TRIM67: variants seen among roughly 807,000 people sequenced by gnomAD.
TRIM67 encodes the protein tripartite motif-containing protein 67.
Under a neutral mutation model 71.0 loss-of-function variants are expected in TRIM67, and 39 were observed. The observed-to-expected ratio is 0.55, with a 90% CI of 0.43 to 0.72. TRIM67 has a LOEUF of 0.72. Among genes scored for constraint, TRIM67 ranks in the 30% least tolerant of loss-of-function variants. TRIM67 has a pLI of 0.00. For missense variants in TRIM67, 973 were observed against 1,079.2 expected (o/e 0.90, Z 1.38); for synonymous variants, 481 against 473.9 (o/e 1.01, Z -0.19).
In TRIM67 at chr1:231,219,492, A is replaced by G. The variant is rs1684090489; in HGVS notation, c.*4052A>G. The G allele has an allele frequency of 4.7e-6, 5 of 1,059,972 alleles. No homozygotes were observed. The South Asian group carries it at 8.9e-5, about 19-fold the overall frequency. The allele number at this position is 1,059,972 out of a possible 1,614,324, so 65.7% of individuals were successfully genotyped here. ...TTGATACCCAAGCCCAGGATTTTCC[A>G]TGTGTCTTCAGGGGGCAGGTAGGGG... On this transcript the variant is annotated 3_prime_UTR_variant, in exon 10 of 10. Coordinates refer to ENST00000366653, the MANE Select transcript of TRIM67 (RefSeq NM_001004342.5).
chr1:231,197,001 C>T (rs892876249), intron 1 of TRIM67, among the ~76,000 whole-genome samples: 2 of 152,200 alleles, frequency 1.3e-5, no homozygotes, highest in Admixed American at 6.5e-5. Context: ...TCTGGAATGT[C>T]CATACAGGCA....
rs1199853234 is a variant in TRIM67, at chr1:231,216,322, T to C, written c.*882T>C. ...CACACACACAGGCATGACAGTCTCC[T>C]AAAATTAATTCACTCAGTTCTTAGT... On this transcript the variant is annotated 3_prime_UTR_variant, in exon 10 of 10. Transcript: ENST00000366653. The C allele has an allele frequency of 4.1e-6, 4 of 985,264 alleles. No homozygotes were observed. The highest frequency in any genetic ancestry group is 1.2e-4 in the Admixed American group (2 of 16,264). 61.0% of individuals were successfully genotyped at this position (985,264 alleles called of 1,614,324 possible).
rs868344453 is a variant in TRIM67 at position 231,187,574 on chromosome 1, A to G, written c.1045-9797A>G. On this transcript the variant is annotated intron_variant, in intron 1 of 9. Coordinates refer to ENST00000366653, the MANE Select transcript of TRIM67 (RefSeq NM_001004342.5). ...GAAATCCCCTGTGGTCCATTTCACA[A>G]CCTCCTTTGTGCCCAATGATGGTGT... 32 of 1,532,270 alleles carry G rather than the reference A, an allele frequency of 2.1e-5. No individual in the cohort carries two copies. In the Middle Eastern group the frequency reaches 1.6e-3, roughly 77 times the overall value. The allele number at this position is 1,532,270 out of a possible 1,614,324, so 94.9% of individuals were successfully genotyped here.
At chr1:231,184,000 T>A (rs2102730043) in intron 1 of TRIM67, 1 of 152,216 alleles carries the variant, frequency 6.6e-6, no homozygotes, top group African/African-American at 2.4e-5. Flanking sequence ...AACACCCATC[T>A]CTCCAGGTCT....
rs969174276 is a variant in TRIM67, at chr1:231,209,528, A to T, written c.2123+278A>T. 6.6e-6 allele frequency among the ~76,000 whole-genome samples: 1 copy of T among 152,162 alleles called. No individual in the cohort carries two copies. The highest frequency in any genetic ancestry group is 2.4e-5 in the African/African-American group (1 of 41,448). On this transcript the variant is annotated intron_variant, in intron 8 of 9. Coordinates refer to ENST00000366653, the MANE Select transcript of TRIM67 (RefSeq NM_001004342.5). This position sits in a 1 kb window ranked among gnomAD's most constrained non-coding sequence, Gnocchi z 4.1. ...CCACACGGTGGTCCTCTGCTGGGATATGGAGCTCGTAGTTTTCTTTCTGGT... is the reference window on the plus strand; with the variant it reads ...CCACACGGTGGTCCTCTGCTGGGATTTGGAGCTCGTAGTTTTCTTTCTGGT...
intron 1 of TRIM67, among the ~76,000 whole-genome samples, chr1:231,177,214 G>A (rs1394324893): frequency 6.6e-6 from 1 of 152,236 alleles, no homozygotes; most frequent in African/African-American, 2.4e-5. Flanking sequence ...GCAGAGACTA[G>A]AGAGATGGGA....
chr1:231,195,996 T>A (rs1468679972), intron 1 of TRIM67, among the ~76,000 whole-genome samples: 2 of 152,226 alleles, frequency 1.3e-5, no homozygotes, highest in Non-Finnish European at 2.9e-5. Flanking sequence ...AATGCCACCA[T>A]GTGCCGGGTA....
At chr1:231,176,145 A>G (rs1340779662) in intron 1 of TRIM67, among the ~76,000 whole-genome samples, 1 of 152,182 alleles carries the variant, frequency 6.6e-6, no homozygotes, top group African/African-American at 2.4e-5. Flanking sequence ...CATATTATCC[A>G]GTCAAAACAA....
Position 231,219,557 on chromosome 1 carries a change from G to C in TRIM67, c.*4117G>C, listed in dbSNP as rs1214598007. The C allele has an allele frequency of 9.1e-7, 1 of 1,095,876 alleles. No homozygotes were observed. Among genetic ancestry groups the C allele is most frequent in the Non-Finnish European group, 1.1e-6 (1 of 895,598 alleles). The allele number at this position is 1,095,876 out of a possible 1,614,324, so 67.9% of individuals were successfully genotyped here. On this transcript the variant is annotated 3_prime_UTR_variant, in exon 10 of 10. Transcript: ENST00000366653. ...CACCTCCAACAGATGCCAACCTGTT[G>C]GGTCTTGAATTTTCACTCACTGAAG...
rs1251652672 is a variant in TRIM67, at chr1:231,162,102, G to A, written c.-868G>A. ...CGCGGGGAGGCAGCGGCAGCGGCGGGAGGGAGGCGGGGAGGGGATTCCCGA... is the reference window on the plus strand; with the variant it reads ...CGCGGGGAGGCAGCGGCAGCGGCGGAAGGGAGGCGGGGAGGGGATTCCCGA... On this transcript the variant is annotated 5_prime_UTR_variant, in exon 1 of 10. Coordinates refer to ENST00000366653, the MANE Select transcript of TRIM67 (RefSeq NM_001004342.5). The A allele has an allele frequency of 6.6e-6, 1 of 152,230 alleles. No homozygotes were observed. Among genetic ancestry groups the A allele is most frequent in the Non-Finnish European group, 1.5e-5 (1 of 67,968 alleles). The allele number at this position is 152,230 out of a possible 1,614,324, so 9.4% of individuals were successfully genotyped here. A position where few individuals can be genotyped will look rare whatever the true frequency, so the allele number is the denominator to read the frequency against.
intron 1 of TRIM67, chr1:231,185,277 C>CT (rs1408605797): frequency 9.7e-6 from 14 of 1,439,442 alleles, no homozygotes; most frequent in Non-Finnish European, 1.1e-5. Context: ...GACCAGCTCT[C>CT]CCTCCCACCC....
Position 231,219,751 on chromosome 1 carries a change from C to G in TRIM67, c.*4311C>G, listed in dbSNP as rs1479536940. 5 of 1,199,752 alleles carry G rather than the reference C, an allele frequency of 4.2e-6. No homozygotes were observed. In the African/African-American group the frequency reaches 6.4e-5, roughly 15 times the overall value. The allele number at this position is 1,199,752 out of a possible 1,614,324, so 74.3% of individuals were successfully genotyped here. ...TTGGCAAATATTCAAGATGGTGATG[C>G]TGGAAAATTTCAGGACTTTTCTTTT... On this transcript the variant is annotated 3_prime_UTR_variant, in exon 10 of 10. Transcript: ENST00000366653.
intron 8 of TRIM67, among the ~76,000 whole-genome samples, chr1:231,211,031 A>AAATAT (rs1553328725): frequency 5.3e-4 from 68 of 127,242 alleles, no homozygotes; most frequent in African/African-American, 1.9e-3. Context: ...AAAAAAAAAA[A>AAATAT]ATATATATAT....
At chr1:231,182,617 G>T (rs956986115) in intron 1 of TRIM67, among the ~76,000 whole-genome samples, 1 of 152,148 alleles carries the variant, frequency 6.6e-6, no homozygotes, top group African/African-American at 2.4e-5. Flanking sequence ...CAGATGAATG[G>T]CAAGGGCACA....
chr1:231,203,793 TGGGGTGGGGTGGGGGACC>T, intron 5 of TRIM67, 56 bp from the exon 6 acceptor site: 1 of 1,523,288 alleles, frequency 6.6e-7, no homozygotes. Context: ...ACCCCTGGGA[TGGGGTGGGGTGGGGGACC>T]GGGCTGGGGC....
In TRIM67 at chr1:231,163,549, G is replaced by T; in HGVS notation, c.580G>T (p.Gly194Trp). Reference protein sequence around the residue: ...AIVQRYQQGRGAVPGTSAAAA... With the variant: ...AIVQRYQQGRWAVPGTSAAAA... The stretch of plus-strand genomic sequence containing the variant: ...CGTGCAGCGGTACCAGCAGGGCCGC[G>T]GGGCCGTGCCGGGGACGTCTGCAGC... The change falls in exon 1 of 10, where the codon GGG (glycine) becomes TGG (tryptophan). Residue 194 changes from glycine to tryptophan, a missense_variant. Gly to Trp is a radical substitution (Grantham distance 184). This residue lies in a region of TRIM67 where 795 missense variants were observed against 831.3 expected (regional missense o/e 0.96). Coordinates refer to ENST00000366653, the MANE Select transcript of TRIM67 (RefSeq NM_001004342.5). The T allele has an allele frequency of 1.3e-6, 2 of 1,513,286 alleles. No individual in the cohort carries two copies. The highest frequency in any genetic ancestry group is 1.8e-6 in the Non-Finnish European group (2 of 1,136,524). 93.7% of individuals were successfully genotyped at this position (1,513,286 alleles called of 1,614,324 possible).
chr1:231,175,041 C>A (rs976176587), intron 1 of TRIM67, among the ~76,000 whole-genome samples: 2 of 152,180 alleles, frequency 1.3e-5, no homozygotes, highest in African/African-American at 4.8e-5. Context: ...GGTCCTGCAG[C>A]CATGCTACTG....
Position 231,190,513 on chromosome 1 carries a change from A to T in TRIM67, c.1045-6858A>T, listed in dbSNP as rs185515094. On this transcript the variant is annotated intron_variant, in intron 1 of 9. Transcript: ENST00000366653. Reference sequence around the variant, plus strand: ...CTGGCTCCTAGTTCTTCTACCAATGACCCCTTCTGTTTCTGGGGGGTCACC... The same window carrying T: ...CTGGCTCCTAGTTCTTCTACCAATGTCCCCTTCTGTTTCTGGGGGGTCACC... Among the ~76,000 whole-genome samples the T allele has an allele frequency of 1.1e-3, 173 of 151,340 alleles. 4 individuals carry two copies. In the East Asian group the frequency reaches 0.03, roughly 27 times the overall value.
In TRIM67 at chr1:231,197,461, A is replaced by T; in HGVS notation, c.1135A>T (p.Ile379Phe). ...TCAGCTAAAGAACATATTGCAGCAG[A>T]TCCAGGTGAGCACAGCTCTGGCGTC... Reference protein sequence around the residue: ...LVQLKNILQQIQENGLDYEAC... With the variant: ...LVQLKNILQQFQENGLDYEAC... The change falls in exon 2 of 10, where the codon ATC (isoleucine) becomes TTC (phenylalanine). Residue 379 changes from isoleucine to phenylalanine, a missense_variant. Coordinates refer to ENST00000366653, the MANE Select transcript of TRIM67 (RefSeq NM_001004342.5). 1.2e-6 allele frequency: 2 copies of T among 1,613,888 alleles called. No individual in the cohort carries two copies. The highest frequency in any genetic ancestry group is 1.7e-6 in the Non-Finnish European group (2 of 1,179,766).
Sources: gnomAD v4.1 joint callset for allele counts (sites outside exome capture counted in the v4.1 genomes callset) on GRCh38, gnomAD v4.1.1 for gene constraint, gnomAD v4.1.1 regional missense constraint, Gnocchi (gnomAD v3.1) non-coding constraint, MANE v1.5 for transcripts, NCBI Gene and HGNC (gene_info 2026-07-23, HGNC 2026-07-21) for gene names.